Variants in PCDHGB3 observed in about 807,000 individuals in gnomAD.
The protein encoded by PCDHGB3 is protocadherin gamma-B3.
In PCDHGB3, 40 loss-of-function variants were observed where a neutral mutation model predicts 59.2. The ratio of observed to expected loss-of-function variants is 0.68; its 90% CI spans 0.52 to 0.88. PCDHGB3 has a LOEUF of 0.88. Ranked by LOEUF, PCDHGB3 falls within the 40% of genes least tolerant of loss-of-function variation. The probability of loss-of-function intolerance (pLI) is 0.00; values close to 1 mark genes in which losing one functional copy is unlikely to be tolerated. For synonymous variants in PCDHGB3, 581 were observed against 503.6 expected (o/e 1.15, Z -2.06); for missense variants, 1,309 against 1,187.9 (o/e 1.10, Z -1.50).
chr5:141,390,999 A>C (rs982856270), intron 1 of PCDHGB3: 23 of 152,216 alleles, frequency 1.5e-4, no homozygotes, highest in African/African-American at 5.6e-4. Context: ...ATTCAAGCTC[A>C]TTCTATATCC....
intron 1 of PCDHGB3, chr5:141,414,168 T>C: frequency 6.2e-7 from 1 of 1,605,598 alleles, no homozygotes; most frequent in Non-Finnish European, 8.5e-7. Context: ...GAGGAGCATA[T>C]CTTGCAACTG....
chr5:141,491,126 G>A lies in PCDHGB3; in HGVS notation c.2416-3681G>A, dbSNP rs768294944. 1.4e-5 allele frequency: 23 copies of A among 1,613,978 alleles called. No individual in the cohort carries two copies. In the East Asian group the frequency reaches 3.1e-4, roughly 22 times the overall value. On this transcript the variant is annotated intron_variant, in intron 1 of 3. Transcript: ENST00000576222. This position sits in a 1 kb window ranked among gnomAD's most constrained non-coding sequence, Gnocchi z 6.9. ...GTGTCTACACACACTGGTGAGGTGCGCACAGCCCGGGCCTTACTGGAGGAT... is the reference window on the plus strand; with the variant it reads ...GTGTCTACACACACTGGTGAGGTGCACACAGCCCGGGCCTTACTGGAGGAT...
intron 1 of PCDHGB3, chr5:141,424,773 T>C (rs1398493027): frequency 6.6e-6 from 1 of 152,206 alleles, no homozygotes; most frequent in African/African-American, 2.4e-5. Flanking sequence ...TGGCAAATAG[T>C]ACATTCAGTT....
intron 3 of PCDHGB3, among the ~76,000 whole-genome samples, chr5:141,506,189 G>A (rs529165145): frequency 3.6e-4 from 55 of 152,262 alleles, no homozygotes; most frequent in African/African-American, 1.1e-3. Flanking sequence ...GGTGGCTCAC[G>A]CCTGTAATCC....
intron 1 of PCDHGB3, chr5:141,393,169 T>A: frequency 6.2e-7 from 1 of 1,613,090 alleles, no homozygotes; most frequent in African/African-American, 1.3e-5. Context: ...CTCTTTGGGG[T>A]AGAAATAGAA....
chr5:141,428,120 C>G (rs756805763), intron 1 of PCDHGB3: 2 of 1,606,528 alleles, frequency 1.2e-6, no homozygotes, highest in South Asian at 1.1e-5. Context: ...CCATCGAGCC[C>G]GGGCTTTTCA....
intron 1 of PCDHGB3, chr5:141,412,160 G>T (rs952899384): frequency 2.0e-5 from 3 of 152,212 alleles, no homozygotes; most frequent in Middle Eastern, 3.2e-3. Flanking sequence ...TAAGAGAAGA[G>T]ATTATTTATA....
chr5:141,389,463 G>C (rs1201903320), intron 1 of PCDHGB3: 1 of 1,613,192 alleles, frequency 6.2e-7, no homozygotes, highest in African/African-American at 1.3e-5. Context: ...GCGCGCCTTC[G>C]AACTCACACT....
At chr5:141,428,024 A>G (rs2097101613) in intron 1 of PCDHGB3, 1 of 1,606,106 alleles carries the variant, frequency 6.2e-7, no homozygotes, top group African/African-American at 1.3e-5. Context: ...CACGCGCCGC[A>G]GAGTCCGGCT....
chr5:141,425,221 C>T (rs2096862694), intron 1 of PCDHGB3, among the ~76,000 whole-genome samples: 1 of 152,068 alleles, frequency 6.6e-6, no homozygotes, highest in African/African-American at 2.4e-5. Context: ...TGTACTTTGA[C>T]TGGAATTAGT....
intron 1 of PCDHGB3, chr5:141,430,634 C>A: frequency 1.1e-6 from 1 of 882,730 alleles, no homozygotes; most frequent in Non-Finnish European, 1.7e-6. Flanking sequence ...TGAACCATCC[C>A]TGGGAGTATG....
chr5:141,403,487 T>C, intron 1 of PCDHGB3: 1 of 1,613,930 alleles, frequency 6.2e-7, no homozygotes. Flanking sequence ...TCACCACTTC[T>C]CCCTGAACGT....
intron 1 of PCDHGB3, chr5:141,384,930 C>A (rs764481830): frequency 6.2e-7 from 1 of 1,614,060 alleles, no homozygotes; most frequent in Admixed American, 1.7e-5. Flanking sequence ...ACCTGGGCAG[C>A]CTTGAGCCCT....
In PCDHGB3 at chr5:141,403,922, G is replaced by A. The variant is rs770450211; in HGVS notation, c.2415+31113G>A. ...TGAAATGGAAATACAAGCTGAAGAT[G>A]GTGGGGGATTGAAAGGGTGGACAAA... On this transcript the variant is annotated intron_variant, in intron 1 of 3. Transcript: ENST00000576222. 6.2e-6 allele frequency: 10 copies of A among 1,613,904 alleles called. No individual in the cohort carries two copies. The East Asian group carries it at 2.2e-4, about 36-fold the overall frequency.
At chr5:141,423,980 G>A (rs2154550577) in intron 1 of PCDHGB3, 1 of 1,110,878 alleles carries the variant, frequency 9.0e-7, no homozygotes, top group South Asian at 4.5e-5. Flanking sequence ...AGTGTATGAG[G>A]CTCTCAATTT....
At chr5:141,419,863 G>C in intron 1 of PCDHGB3, 1 of 1,614,108 alleles carries the variant, frequency 6.2e-7, no homozygotes, top group Non-Finnish European at 8.5e-7. Flanking sequence ...CAGATAGCTT[G>C]CAAGAGGTAC....
chr5:141,417,641 C>G (rs1266850894), intron 1 of PCDHGB3: 12 of 779,426 alleles, frequency 1.5e-5, no homozygotes, highest in Non-Finnish European at 2.1e-5. Context: ...CCGGGGATCC[C>G]TCAGCCTCTA....
At position 141,478,147 on chromosome 5, in the gene PCDHGB3, C is replaced by T. The variant is rs199689679; in HGVS notation, c.2416-16660C>T. On this transcript the variant is annotated intron_variant, in intron 1 of 3. Transcript: ENST00000576222. The stretch of plus-strand genomic sequence containing the variant: ...ACTCTCCTGAAGCCCGAGCCGAGTT[C>T]CCCTCTGGCTCTGCCCCCCGGGAGC... The T allele has an allele frequency of 2.0e-5, 32 of 1,614,076 alleles. 1 individual carries two copies. In the East Asian group the frequency reaches 5.3e-4, roughly 27 times the overall value.
At chr5:141,478,408 G>C in intron 1 of PCDHGB3, 1 of 1,613,340 alleles carries the variant, frequency 6.2e-7, no homozygotes, top group Non-Finnish European at 8.5e-7. Flanking sequence ...ATCTCACCAC[G>C]GACTCCCGCC....
Sources: gnomAD v4.1 joint callset for allele counts (sites outside exome capture counted in the v4.1 genomes callset) on GRCh38, gnomAD v4.1.1 for gene constraint, Gnocchi (gnomAD v3.1) non-coding constraint, MANE v1.5 for transcripts, NCBI Gene and HGNC (gene_info 2026-07-23, HGNC 2026-07-21) for gene names.